The following KLHL14 variants were observed in gnomAD, a reference collection of about 807,000 sequenced individuals.
The protein encoded by KLHL14 is kelch like family member 14.
In KLHL14, 22 loss-of-function variants were observed where a neutral mutation model predicts 64.3. The ratio of observed to expected loss-of-function variants is 0.34; its 90% CI spans 0.24 to 0.49. The LOEUF is 0.49. KLHL14 is among the 20% of genes least tolerant of loss of function. The pLI is 0.99. For synonymous variants in KLHL14, 322 were observed against 333.4 expected (o/e 0.97, Z 0.37); for missense variants, 661 against 789.0 (o/e 0.84, Z 1.94).
intron 3 of KLHL14, among the ~76,000 whole-genome samples, chr18:32,700,749 G>A (rs2049962158): frequency 6.6e-6 from 1 of 152,114 alleles, no homozygotes; most frequent in African/African-American, 2.4e-5. Flanking sequence ...AAGTAAATAA[G>A]CTCTTTTGTT....
At chr18:32,733,167 A>T (rs1243505182) in intron 3 of KLHL14, among the ~76,000 whole-genome samples, 1 of 152,162 alleles carries the variant, frequency 6.6e-6, no homozygotes, top group Non-Finnish European at 1.5e-5. Context: ...GGAGAGAAAA[A>T]ATTAAAGGTG....
In KLHL14 at chr18:32,674,507, C is replaced by T. The variant is rs1452379671; in HGVS notation, c.*150G>A. On this transcript the variant is annotated 3_prime_UTR_variant, in exon 9 of 9. Transcript: ENST00000359358. ...ATAGTATCTGTTCAAGAACAGGTCT[C>T]TTTCTTTTGTAGTTACTTATAAATC... 7.9e-6 allele frequency: 5 copies of T among 635,322 alleles called. No individual in the cohort carries two copies. The Admixed American group carries it at 1.2e-4, about 15-fold the overall frequency. 39.4% of individuals were successfully genotyped at this position (635,322 alleles called of 1,614,324 possible). A position where few individuals can be genotyped will look rare whatever the true frequency, so the allele number is the denominator to read the frequency against.
intron 4 of KLHL14, among the ~76,000 whole-genome samples, chr18:32,691,354 A>G (rs2144481327): frequency 6.6e-6 from 1 of 152,260 alleles, no homozygotes; most frequent in East Asian, 1.9e-4. Flanking sequence ...TGGATGTGAG[A>G]TGAGAAAATG....
At position 32,674,433 on chromosome 18, in the gene KLHL14, T is replaced by C. The variant is rs2049800579; in HGVS notation, c.*224A>G. 15 of 456,104 alleles carry C rather than the reference T, an allele frequency of 3.3e-5. No homozygotes were observed. The South Asian group carries it at 7.5e-4, about 23-fold the overall frequency. 28.3% of individuals were successfully genotyped at this position (456,104 alleles called of 1,614,324 possible). A position where few individuals can be genotyped will look rare whatever the true frequency, so the allele number is the denominator to read the frequency against. ...GGGATAAGTTAAAACCAGTCTGAAATGGAAGAGTCTGTCACCACAGGAAGT... is the reference window on the plus strand; with the variant it reads ...GGGATAAGTTAAAACCAGTCTGAAACGGAAGAGTCTGTCACCACAGGAAGT... On this transcript the variant is annotated 3_prime_UTR_variant, in exon 9 of 9. Transcript: ENST00000359358.
At chr18:32,695,822 T>A (rs1026037032) in intron 3 of KLHL14, among the ~76,000 whole-genome samples, 2 of 152,154 alleles carry the variant, frequency 1.3e-5, no homozygotes, top group Non-Finnish European at 2.9e-5. Context: ...CAACCTGTCA[T>A]GCTGCTTTCG....
chr18:32,763,518 G>A (rs903399644), intron 2 of KLHL14, among the ~76,000 whole-genome samples: 1 of 152,086 alleles, frequency 6.6e-6, no homozygotes, highest in African/African-American at 2.4e-5. Flanking sequence ...AGATAATTGG[G>A]TAAATTACTT....
Position 32,708,685 on chromosome 18 carries a change from G to A in KLHL14, c.1070-13133C>T, listed in dbSNP as rs574644432. On this transcript the variant is annotated intron_variant, in intron 3 of 8. Coordinates refer to ENST00000359358, the MANE Select transcript of KLHL14 (RefSeq NM_020805.3). ...GAATGTGAGTGACTGGTCTAGAGAG[G>A]GTTGCATGATCCAGCCAGGTCCTTG... Among the ~76,000 whole-genome samples the A allele has an allele frequency of 2.0e-5, 3 of 152,304 alleles. No homozygotes were observed. The East Asian group carries it at 5.8e-4, about 29-fold the overall frequency.
chr18:32,766,866 T>A (rs1291882612), intron 2 of KLHL14, among the ~76,000 whole-genome samples: 1 of 152,092 alleles, frequency 6.6e-6, no homozygotes, highest in Non-Finnish European at 1.5e-5. Flanking sequence ...TCAAAATTAA[T>A]AATCTTTAAA....
intron 3 of KLHL14, among the ~76,000 whole-genome samples, chr18:32,705,252 A>C (rs1460631439): frequency 6.6e-6 from 1 of 152,258 alleles, no homozygotes; most frequent in Non-Finnish European, 1.5e-5. Flanking sequence ...CATATTACAT[A>C]GCTTCAAATA....
chr18:32,680,170 T>G lies in KLHL14; in HGVS notation c.1587A>C (p.Lys529Asn), dbSNP rs752084859. Reference protein sequence around the residue: ...RLYAIGGNHLKGFSHLDVMLV... With the variant: ...RLYAIGGNHLNGFSHLDVMLV... Reference sequence around the variant, plus strand: ...AAAACAAAACAACAAAAAAAAGACCTTTCAAATGATTTCCTCCAATTGCAT... The same window carrying G: ...AAAACAAAACAACAAAAAAAAGACCGTTCAAATGATTTCCTCCAATTGCAT... The change falls in exon 7 of 9, where the codon AAA becomes AAC. Residue 529 changes from lysine (K) to asparagine (N), a missense_variant and splice_region_variant. Lys to Asn is a moderately conservative substitution (Grantham distance 94). Around this residue, in one of 2 missense-constraint regions of KLHL14, gnomAD observed 330 missense variants for 450.0 expected, o/e 0.73. Transcript: ENST00000359358. The surrounding 1 kb of genome is among the most constrained non-coding windows in gnomAD (Gnocchi z 4.8). The G allele has an allele frequency of 6.2e-7, 1 of 1,613,004 alleles. No individual in the cohort carries two copies. The highest frequency in any genetic ancestry group is 1.7e-5 in the Admixed American group (1 of 59,888).
At chr18:32,711,578 C>T (rs576676296) in intron 3 of KLHL14, among the ~76,000 whole-genome samples, 170 of 152,260 alleles carry the variant, frequency 1.1e-3, no homozygotes, top group African/African-American at 4.0e-3. Context: ...AGTCACTCAA[C>T]AAGTTTGAAT....
chr18:32,686,837 G>A (rs1011921977), intron 5 of KLHL14, among the ~76,000 whole-genome samples: 2 of 151,732 alleles, frequency 1.3e-5, no homozygotes, highest in Non-Finnish European at 2.9e-5. Flanking sequence ...TCAATTTTAG[G>A]GTTTAAATAT....
chr18:32,696,124 T>C (rs993125194), intron 3 of KLHL14, among the ~76,000 whole-genome samples: 3 of 152,206 alleles, frequency 2.0e-5, no homozygotes, highest in African/African-American at 7.2e-5. Flanking sequence ...ATACGCTTAA[T>C]ATCCTGTACA....
intron 2 of KLHL14, among the ~76,000 whole-genome samples, chr18:32,755,086 C>A (rs2050275108): frequency 6.6e-6 from 1 of 152,034 alleles, no homozygotes. Flanking sequence ...TTATCTTCCT[C>A]TGCTTTTCCT....
intron 3 of KLHL14, among the ~76,000 whole-genome samples, chr18:32,700,631 T>A (rs1165663908): frequency 5.3e-5 from 8 of 152,192 alleles, no homozygotes; most frequent in African/African-American, 9.7e-5. Flanking sequence ...CAAGTATTTG[T>A]TTTGGTGCTA....
At chr18:32,692,028 G>GTTTC (rs1248467206) in intron 4 of KLHL14, among the ~76,000 whole-genome samples, 1 of 152,116 alleles carries the variant, frequency 6.6e-6, no homozygotes, top group Non-Finnish European at 1.5e-5. Context: ...TGTAAACTGG[G>GTTTC]TTTCCATAAG....
intron 1 of KLHL14, chr18:32,772,320 C>T: frequency 3.5e-6 from 1 of 287,852 alleles, no homozygotes; most frequent in South Asian, 2.8e-5. Flanking sequence ...CTCCCTCCGC[C>T]GGCAGCACCC....
chr18:32,734,087 G>A (rs762770474), intron 3 of KLHL14: 13 of 693,142 alleles, frequency 1.9e-5, no homozygotes, highest in Admixed American at 1.0e-4. Flanking sequence ...AGGTGAGAGC[G>A]CTTTGAGCAC....
rs1434047950 is a variant in KLHL14 at position 32,674,767 on chromosome 18, A to T, written c.1777T>A (p.Cys593Ser). ...GAYKSSTICY[C>S]PEKGTWTELE... ...TCTGTCCAGGTTCCTTTCTCTGGAC[A>T]ATAGCATATTGTAGATGACTTGTAG... The change falls in exon 9 of 9, where the codon TGT (cysteine) becomes AGT (serine). Residue 593 changes from cysteine (C) to serine (S), a missense_variant. Around this residue, in one of 2 missense-constraint regions of KLHL14, gnomAD observed 330 missense variants for 450.0 expected, o/e 0.73. Transcript: ENST00000359358. 1 of 780,962 alleles carries T rather than the reference A, an allele frequency of 1.3e-6. No individual in the cohort carries two copies. Among genetic ancestry groups the T allele is most frequent in the East Asian group, 2.4e-5 (1 of 41,244 alleles). The allele number at this position is 780,962 out of a possible 1,614,324, so 48.4% of individuals were successfully genotyped here.
Sources: gnomAD v4.1 joint callset for allele counts (sites outside exome capture counted in the v4.1 genomes callset) on GRCh38, gnomAD v4.1.1 for gene constraint, gnomAD v4.1.1 regional missense constraint, Gnocchi (gnomAD v3.1) non-coding constraint, MANE v1.5 for transcripts, NCBI Gene and HGNC (gene_info 2026-07-23, HGNC 2026-07-21) for gene names.